SETD5: variants seen among roughly 807,000 people sequenced by gnomAD.
The protein encoded by SETD5 is histone-lysine N-methyltransferase SETD5.
In SETD5, 44 loss-of-function variants were observed where a neutral mutation model predicts 153.3. The ratio of observed to expected loss-of-function variants is 0.29; its 90% CI spans 0.23 to 0.37. The LOEUF is 0.37. Ranked by LOEUF, SETD5 falls within the 10% of genes least tolerant of loss-of-function variation. SETD5 has a pLI of 1.00. For missense variants in SETD5, 1,544 were observed against 1,768.0 expected (o/e 0.87, Z 2.27); for synonymous variants, 716 against 645.2 (o/e 1.11, Z -1.66).
intron 1 of SETD5, among the ~76,000 whole-genome samples, chr3:9,406,681 C>T (rs17050317): frequency 0.052 from 7,881 of 151,162 alleles, 318 homozygotes; most frequent in Admixed American, 0.11. Flanking sequence ...TTTTGAAATG[C>T]TATTTTTTCC....
chr3:9,411,648 T>C (rs2036583309), intron 1 of SETD5, among the ~76,000 whole-genome samples: 1 of 152,230 alleles, frequency 6.6e-6, no homozygotes, highest in Non-Finnish European at 1.5e-5. Context: ...TTTGAGTTAA[T>C]GCATGAAAAG....
intron 21 of SETD5, 94 bp downstream of exon 21, chr3:9,474,676 T>C: frequency 1.3e-6 from 2 of 1,519,558 alleles, no homozygotes; most frequent in South Asian, 2.5e-5. Flanking sequence ...GGTGAGTCAG[T>C]TTCTGATGCA....
At chr3:9,451,345 G>A (rs2042606929) in intron 16 of SETD5, among the ~76,000 whole-genome samples, 1 of 152,060 alleles carries the variant, frequency 6.6e-6, no homozygotes, top group African/African-American at 2.4e-5. Context: ...CATGAAATTG[G>A]GATCATTGTC....
intron 20 of SETD5, 132 bp downstream of exon 20, chr3:9,473,669 C>T (rs2045569087): frequency 1.1e-6 from 1 of 900,774 alleles, no homozygotes; most frequent in African/African-American, 1.7e-5. Context: ...GCCAACAGTA[C>T]CATCTGTCCT....
At chr3:9,428,235 C>T (rs1400610814) in intron 2 of SETD5, among the ~76,000 whole-genome samples, 1 of 152,032 alleles carries the variant, frequency 6.6e-6, no homozygotes, top group African/African-American at 2.4e-5. Flanking sequence ...GCATCTTCTC[C>T]CAAAATTATA....
intron 1 of SETD5, among the ~76,000 whole-genome samples, chr3:9,403,743 T>G (rs1047610193): frequency 6.6e-6 from 1 of 152,192 alleles, no homozygotes; most frequent in African/African-American, 2.4e-5. Flanking sequence ...TTATTAAGAC[T>G]TAGTATGAAT....
intron 17 of SETD5, among the ~76,000 whole-genome samples, chr3:9,457,680 A>G (rs1004434016): frequency 8.0e-5 from 12 of 150,570 alleles, no homozygotes; most frequent in Non-Finnish European, 1.2e-4. Context: ...TTAGTTGGGT[A>G]TATGGAGTAA....
chr3:9,426,979 C>G (rs1302680018), intron 2 of SETD5, among the ~76,000 whole-genome samples: 1 of 152,168 alleles, frequency 6.6e-6, no homozygotes, highest in African/African-American at 2.4e-5. Flanking sequence ...ACCTCCTGTG[C>G]TCAGGTGATC....
chr3:9,434,774 G>A lies in SETD5; in HGVS notation c.330-50G>A, dbSNP rs2040357126. Reference sequence around the variant, plus strand: ...ACACTTCGCCCATGTGTGCTATGATGTGATGCATGCTGTTGGAAGGACTAC... The same window carrying A: ...ACACTTCGCCCATGTGTGCTATGATATGATGCATGCTGTTGGAAGGACTAC... On this transcript the variant is annotated intron_variant, in intron 5 of 22. Transcript: ENST00000402198. The surrounding 1 kb of genome is among the most constrained non-coding windows in gnomAD (Gnocchi z 5.6). 8.2e-6 allele frequency: 13 copies of A among 1,580,906 alleles called. No individual in the cohort carries two copies. Among genetic ancestry groups the A allele is most frequent in the African/African-American group, 1.3e-5 (1 of 74,496 alleles).
chr3:9,469,901 A>G (rs1282603253), intron 18 of SETD5, among the ~76,000 whole-genome samples: 1 of 152,204 alleles, frequency 6.6e-6, no homozygotes, highest in African/African-American at 2.4e-5. Flanking sequence ...GTGAGTGAAG[A>G]ACTGGTTGGT....
intron 17 of SETD5, among the ~76,000 whole-genome samples, chr3:9,461,243 C>CA (rs1365437392): frequency 6.6e-6 from 1 of 151,248 alleles, no homozygotes; most frequent in Admixed American, 6.6e-5. Context: ...GTTCTAATAG[C>CA]AAAAAATGAA....
chr3:9,434,558 C>G lies in SETD5; in HGVS notation c.329+73C>G. The G allele has an allele frequency of 6.3e-7, 1 of 1,595,350 alleles. No homozygotes were observed. Among genetic ancestry groups the G allele is most frequent in the Non-Finnish European group, 8.5e-7 (1 of 1,170,410 alleles). On this transcript the variant is annotated intron_variant, in intron 5 of 22. Coordinates refer to ENST00000402198, the MANE Select transcript of SETD5 (RefSeq NM_001080517.3). The surrounding 1 kb of genome is among the most constrained non-coding windows in gnomAD (Gnocchi z 5.6). ...GGTTTCTTACAAGTAGGGAAAAGCT[C>G]AAAGTATTCTTTCTTGTGTTTGTTA...
chr3:9,471,340 TA>T (rs1167187761), intron 19 of SETD5, among the ~76,000 whole-genome samples: 4 of 152,174 alleles, frequency 2.6e-5, no homozygotes, highest in Non-Finnish European at 5.9e-5. Context: ...ACACAGCTAG[TA>T]AATGGAAGGA....
At chr3:9,470,991 T>TA (rs1469142620) in intron 19 of SETD5, 62 bp downstream of exon 19, 3 of 849,494 alleles carry the variant, frequency 3.5e-6, no homozygotes, top group African/African-American at 1.7e-5. Context: ...GTTTAGTAGA[T>TA]ATTCATAAGT....
Position 9,443,240 on chromosome 3 carries a change from G to T in SETD5, c.1078-68G>T, listed in dbSNP as rs527882919. The T allele has an allele frequency of 1.1e-5, 13 of 1,141,740 alleles. No homozygotes were observed. The East Asian group carries it at 1.8e-4, about 16-fold the overall frequency. 70.7% of individuals were successfully genotyped at this position (1,141,740 alleles called of 1,614,324 possible). A position where few individuals can be genotyped will look rare whatever the true frequency, so the allele number is the denominator to read the frequency against. ...TAACTCCAAATGGAGAGAAAGTATG[G>T]TTTTTTTCTCTCTTACGGAAAGTTC... On this transcript the variant is annotated intron_variant, in intron 10 of 22. Transcript: ENST00000402198.
chr3:9,400,835 C>T (rs1019174727), intron 1 of SETD5, among the ~76,000 whole-genome samples: 13 of 152,184 alleles, frequency 8.5e-5, no homozygotes, highest in Admixed American at 2.0e-4. Flanking sequence ...TCCCCTCCCC[C>T]ACAACTCCTG....
chr3:9,415,897 C>T (rs1373143356), intron 1 of SETD5, among the ~76,000 whole-genome samples: 2 of 149,840 alleles, frequency 1.3e-5, no homozygotes, highest in Non-Finnish European at 3.0e-5. Flanking sequence ...TTTTTAAAGA[C>T]AGGCTCTGGT....
rs756275408 is a variant in SETD5 at position 9,434,477 on chromosome 3, C to T, written c.321C>T (p.Asp107=). The T allele has an allele frequency of 6.2e-7, 1 of 1,613,944 alleles. No individual in the cohort carries two copies. The highest frequency in any genetic ancestry group is 1.1e-5 in the South Asian group (1 of 91,074). The part of the protein sequence containing the change: ...LSQDGFLLNC[D]KCRGMSRGKV... ...AGGATGGCTTCCTTCTCAACTGTGA[C>T]AAGTGCAGGTAAGATCCTGTTCCAT... Residue 107 remains aspartate (D), a synonymous_variant, in exon 5 of 23, where the codon GAC becomes GAT. Transcript: ENST00000402198. This position sits in a 1 kb window ranked among gnomAD's most constrained non-coding sequence, Gnocchi z 5.6.
intron 7 of SETD5, among the ~76,000 whole-genome samples, chr3:9,437,479 T>C (rs1289450518): frequency 6.6e-6 from 1 of 151,448 alleles, no homozygotes; most frequent in African/African-American, 2.4e-5. Flanking sequence ...AAAAATAGCT[T>C]GCCAAAAGGA....
Sources: allele counts gnomAD v4.1 joint callset (sites outside exome capture counted in the v4.1 genomes callset), GRCh38; gene constraint gnomAD v4.1.1; non-coding constraint Gnocchi (gnomAD v3.1); transcripts MANE v1.5; gene names NCBI Gene and HGNC (gene_info 2026-07-23, HGNC 2026-07-21).